C2orf69: variants seen among roughly 807,000 people sequenced by gnomAD.
The protein encoded by C2orf69 is mitochondrial protein C2orf69.
A neutral mutation model predicts 29.5 loss-of-function variants in C2orf69; 19 were observed. The ratio of observed to expected loss-of-function variants is 0.65; its 90% confidence interval spans 0.45 to 0.95. The LOEUF (loss-of-function observed/expected upper bound fraction) is 0.95, where lower values mean the gene tolerates loss of function less well. Among genes scored for constraint, C2orf69 ranks in the 40% least tolerant of loss-of-function variants. C2orf69 has a pLI of 0.00. For missense variants in C2orf69, 416 were observed against 482.1 expected (o/e 0.86, Z 1.28); for synonymous variants, 194 against 180.0 (o/e 1.08, Z -0.62).
chr2:199,922,399 C>CT (rs548580111), intron 1 of C2orf69, among the ~76,000 whole-genome samples: 104 of 152,112 alleles, frequency 6.8e-4, no homozygotes, highest in African/African-American at 2.4e-3. Context: ...CAGCCTCAGG[C>CT]TTTTTTTAAA....
rs1553564911 is a variant in C2orf69, at chr2:199,913,481, A to AT, written c.333+1710_333+1711insT. 4.1e-4 allele frequency among the ~76,000 whole-genome samples: 43 copies of AT among 104,686 alleles called. 1 individual carries two copies. The South Asian group carries it at 6.8e-3, about 16-fold the overall frequency. 68.7% of individuals were successfully genotyped at this position (104,686 alleles called of 152,430 possible). On this transcript the variant is annotated intron_variant, in intron 1 of 1. Transcript: ENST00000319974. ...ATTATATAAAATATATATTATATAA[A>AT]ATATATATTATATTATATAAAATAT...
intron 1 of C2orf69, among the ~76,000 whole-genome samples, chr2:199,914,594 C>G (rs2106636346): frequency 6.6e-6 from 1 of 152,288 alleles, no homozygotes; most frequent in South Asian, 2.1e-4. Flanking sequence ...CAGAGTCCTT[C>G]CTGTTAATAT....
intron 1 of C2orf69, among the ~76,000 whole-genome samples, chr2:199,921,881 G>T (rs1017671743): frequency 5.3e-5 from 8 of 151,316 alleles, no homozygotes; most frequent in African/African-American, 1.9e-4. Context: ...TAGAATTTTT[G>T]TAGTATTTAC....
chr2:199,911,623 G>C lies in C2orf69; in HGVS notation c.185G>C (p.Gly62Ala), dbSNP rs1574776201. The stretch of plus-strand genomic sequence containing the variant: ...TGCCTGCAGCTTTCCACCGTGCCTG[G>C]AGCCGATCCGCAGCGCAGCAACGAA... Reference protein sequence around the residue: ...RQCLQLSTVPGADPQRSNELL... With the variant: ...RQCLQLSTVPAADPQRSNELL... The change falls in exon 1 of 2, where the codon GGA becomes GCA. Residue 62 changes from glycine to alanine, a missense_variant. Physicochemically the swap from Gly to Ala is moderately conservative, Grantham distance 60 (BLOSUM62 0). Coordinates refer to ENST00000319974, the MANE Select transcript of C2orf69 (RefSeq NM_153689.6). The C allele has an allele frequency of 1.9e-6, 3 of 1,549,612 alleles. No homozygotes were observed. Among genetic ancestry groups the C allele is most frequent in the Non-Finnish European group, 1.7e-6 (2 of 1,146,596 alleles).
rs866051129 is a variant in C2orf69, at chr2:199,928,142, T to C, written c.*2256T>C. 17 of 152,718 alleles carry C rather than the reference T, an allele frequency of 1.1e-4. No homozygotes were observed. Among genetic ancestry groups the C allele is most frequent in the Admixed American group, 3.3e-4 (5 of 15,292 alleles). The allele number at this position is 152,718 out of a possible 1,614,324, so 9.5% of individuals were successfully genotyped here. On this transcript the variant is annotated 3_prime_UTR_variant, in exon 2 of 2. Transcript: ENST00000319974. ...TTTGTCCACATTTGTTTAAAACTTA[T>C]TGTAATGTTAATTTACACTTTTGGA...
intron 1 of C2orf69, among the ~76,000 whole-genome samples, chr2:199,922,027 ATT>A (rs1206272317): frequency 2.2e-4 from 26 of 115,876 alleles, no homozygotes; most frequent in East Asian, 1.3e-3. Flanking sequence ...TGCCACTGTT[ATT>A]TTTATATATA....
Position 199,911,748 on chromosome 2 carries a change from C to T in C2orf69, c.310C>T (p.Leu104Phe), listed in dbSNP as rs2077262712. 6.5e-7 allele frequency: 1 copy of T among 1,540,046 alleles called. No homozygotes were observed. Among genetic ancestry groups the T allele is most frequent in the South Asian group, 1.2e-5 (1 of 84,056 alleles). The change falls in exon 1 of 2, where the codon CTC (leucine) becomes TTC (phenylalanine). Residue 104 changes from leucine (L) to phenylalanine (F), a missense_variant. Around this residue, in one of 4 missense-constraint regions of C2orf69, gnomAD observed 225 missense variants for 307.3 expected, o/e 0.73. Coordinates refer to ENST00000319974, the MANE Select transcript of C2orf69 (RefSeq NM_153689.6). ...GCAGCCGCCGCCCCAGCATCACGTC[C>T]TCTATTTCCCTGGGGATGTGCAGGT... ...EPQPPPQHHV[L>F]YFPGDVQNYH...
At chr2:199,911,818 C>T (rs2077263661) in intron 1 of C2orf69, 47 bp downstream of exon 1, 1 of 1,535,074 alleles carries the variant, frequency 6.5e-7, no homozygotes, top group South Asian at 1.2e-5. Context: ...CTCGTGTATA[C>T]GTACGCGGTC....
chr2:199,925,700 A>G lies in C2orf69; in HGVS notation c.972A>G (p.Gly324=), dbSNP rs1316263894. 1.2e-6 allele frequency: 2 copies of G among 1,613,954 alleles called. No individual in the cohort carries two copies. ...TCTTGAAAGAATTTGCACAAACAGG[A>G]ATTATCGTTCACACTCATGTAACAC... ...PEVLKEFAQT[G]IIVHTHVTPY... Residue 324 remains glycine, a synonymous_variant, in exon 2 of 2, where the codon GGA becomes GGG. Transcript: ENST00000319974. The surrounding 1 kb of genome is among the most constrained non-coding windows in gnomAD (Gnocchi z 4.9).
intron 1 of C2orf69, among the ~76,000 whole-genome samples, chr2:199,917,224 A>C (rs148336682): frequency 6.6e-6 from 1 of 152,182 alleles, no homozygotes; most frequent in East Asian, 1.9e-4. Flanking sequence ...CCCAGCCCAC[A>C]AAACCATTTT....
At chr2:199,911,811 G>C in intron 1 of C2orf69, 40 bp downstream of exon 1, 1 of 1,536,106 alleles carries the variant, frequency 6.5e-7, no homozygotes, top group Non-Finnish European at 8.7e-7. Flanking sequence ...CCTTCCTCTC[G>C]TGTATACGTA....
chr2:199,914,119 A>T (rs2077284559), intron 1 of C2orf69, among the ~76,000 whole-genome samples: 1 of 152,176 alleles, frequency 6.6e-6, no homozygotes, highest in African/African-American at 2.4e-5. Context: ...TGGTGACTTT[A>T]AAAATTATTG....
rs1169699823 is a variant in C2orf69, at chr2:199,925,377, T to C, written c.649T>C (p.Ser217Pro). ...LNVWNKDSIA[S>P]NCRSSPSHTT... ...TGTTTGGAATAAGGACTCCATAGCATCTAACTGTAGATCCAGTCCTTCTCA... is the reference window on the plus strand; with the variant it reads ...TGTTTGGAATAAGGACTCCATAGCACCTAACTGTAGATCCAGTCCTTCTCA... Residue 217 changes from serine (S) to proline (P), a missense_variant, in exon 2 of 2, where the codon TCT (serine) becomes CCT (proline). By Grantham distance (74) the Ser-to-Pro change is moderately conservative (BLOSUM62 -1). Transcript: ENST00000319974. The surrounding 1 kb of genome is among the most constrained non-coding windows in gnomAD (Gnocchi z 4.9). 2 of 1,613,624 alleles carry C rather than the reference T, an allele frequency of 1.2e-6. No individual in the cohort carries two copies. The highest frequency in any genetic ancestry group is 2.7e-5 in the African/African-American group (2 of 74,926).
At chr2:199,917,358 TC>T (rs2077297240) in intron 1 of C2orf69, among the ~76,000 whole-genome samples, 1 of 152,252 alleles carries the variant, frequency 6.6e-6, no homozygotes, top group African/African-American at 2.4e-5. Flanking sequence ...TATGCAAGTT[TC>T]TGCAGGCTGC....
In C2orf69 at chr2:199,925,175, G is replaced by A. The variant is rs1435659481; in HGVS notation, c.447G>A (p.Val149=). The A allele has an allele frequency of 2.5e-6, 4 of 1,612,646 alleles. No homozygotes were observed. The South Asian group carries it at 3.3e-5, about 13-fold the overall frequency. Residue 149 remains valine, a synonymous_variant, in exon 2 of 2, where the codon GTG becomes GTA. Transcript: ENST00000319974. This position sits in a 1 kb window ranked among gnomAD's most constrained non-coding sequence, Gnocchi z 4.9. ...GGTTCCCCAATAGTTATATTTGGGT[G>A]ATAAAATGTTCCCGAATGCATTTGC... is the stretch of plus-strand genomic sequence containing the variant. The part of the protein sequence containing the change: ...AHRFPNSYIW[V]IKCSRMHLHK...
At chr2:199,913,340 T>TTATTAG (rs2077279436) in intron 1 of C2orf69, among the ~76,000 whole-genome samples, 1 of 91,714 alleles carries the variant, frequency 1.1e-5, no homozygotes, top group Non-Finnish European at 2.0e-5. Context: ...TATTCTATTA[T>TTATTAG]AATATATATT....
In C2orf69 at chr2:199,925,414, G is replaced by T; in HGVS notation, c.686G>T (p.Gly229Val). 1 of 1,613,800 alleles carries T rather than the reference G, an allele frequency of 6.2e-7. No individual in the cohort carries two copies. The highest frequency in any genetic ancestry group is 8.5e-7 in the Non-Finnish European group (1 of 1,179,826). ...TCCAGTCCTTCTCATACTACGAATG[G>T]TTGCCAGGGAGAAAAAGTGAGGACC... ...CRSSPSHTTN[G>V]CQGEKVRTCE... The change falls in exon 2 of 2, where the codon GGT becomes GTT. Residue 229 changes from glycine to valine, a missense_variant. Around this residue, in one of 4 missense-constraint regions of C2orf69, gnomAD observed 225 missense variants for 307.3 expected, o/e 0.73. Transcript: ENST00000319974. This position sits in a 1 kb window ranked among gnomAD's most constrained non-coding sequence, Gnocchi z 4.9.
At chr2:199,913,380 T>C (rs1204985006) in intron 1 of C2orf69, among the ~76,000 whole-genome samples, 6 of 56,124 alleles carry the variant, frequency 1.1e-4, no homozygotes, top group Non-Finnish European at 2.0e-4. Flanking sequence ...ATGATATATA[T>C]TATATATAAT....
chr2:199,924,989 G>T, intron 1 of C2orf69, 73 bp from the exon 2 acceptor site: 1 of 922,350 alleles, frequency 1.1e-6, no homozygotes, highest in South Asian at 1.7e-5. Flanking sequence ...CAATAAAAAT[G>T]GAAACTTATT....
Sources: gnomAD v4.1 joint callset for allele counts (sites outside exome capture counted in the v4.1 genomes callset) on GRCh38, gnomAD v4.1.1 for gene constraint, gnomAD v4.1.1 regional missense constraint, Gnocchi (gnomAD v3.1) non-coding constraint, MANE v1.5 for transcripts, NCBI Gene and HGNC (gene_info 2026-07-23, HGNC 2026-07-21) for gene names.